Variants in ARL6 observed in about 807,000 individuals in gnomAD.
ARL6 encodes ARF like GTPase 6, also known as ADP-ribosylation factor-like protein 6.
In ARL6, 18 loss-of-function variants were observed where a neutral mutation model predicts 27.1. The observed-to-expected ratio is 0.66, with a 90% CI of 0.46 to 0.98. The LOEUF is 0.98. ARL6 is among the 50% of genes least tolerant of loss of function. The pLI, the probability that ARL6 is intolerant of heterozygous loss-of-function variation, is 0.00. For missense variants in ARL6, 187 were observed against 214.9 expected, an observed-to-expected ratio of 0.87 and a Z score of 0.81; for synonymous variants, 65 against 72.3, an observed-to-expected ratio of 0.90 and a Z score of 0.51.
intron 7 of ARL6, among the ~76,000 whole-genome samples, chr3:97,796,618 C>G (rs1014054592): frequency 6.6e-6 from 1 of 151,864 alleles, no homozygotes. Flanking sequence ...CTCAAGAGCT[C>G]AATACAGTGG....
At chr3:97,766,223 G>T (rs1362411430) in intron 1 of ARL6, 1 of 152,182 alleles carries the variant, frequency 6.6e-6, no homozygotes, top group Non-Finnish European at 1.5e-5. Flanking sequence ...TGGAGAACAA[G>T]ATATAAGCAT....
At chr3:97,780,119 G>C in intron 2 of ARL6, 40 bp from the exon 3 acceptor site, 1 of 1,523,306 alleles carries the variant, frequency 6.6e-7, no homozygotes, top group African/African-American at 1.4e-5. Context: ...ACTCATCTCT[G>C]GTAATTGTAA....
chr3:97,785,236 G>A (rs2037395076), intron 5 of ARL6, among the ~76,000 whole-genome samples, 187 bp downstream of exon 5: 1 of 150,202 alleles, frequency 6.7e-6, no homozygotes, highest in African/African-American at 2.4e-5. Context: ...TGCATGCAAT[G>A]TAAATGTAAA....
At position 97,793,480 on chromosome 3, in the gene ARL6, C is replaced by T. The variant is rs567524215; in HGVS notation, c.535+1654C>T. 6 of 152,206 alleles carry T rather than the reference C, an allele frequency of 3.9e-5. No homozygotes were observed. In the East Asian group the frequency reaches 1.2e-3, roughly 29 times the overall value. The allele number at this position is 152,206 out of a possible 1,614,324, so 9.4% of individuals were successfully genotyped here. A position where few individuals can be genotyped will look rare whatever the true frequency, so the allele number is the denominator to read the frequency against. ...ATGAAGATATAGCATGGATGGAAACCCTATTGTCACTCATGATAACCTAAT... is the reference window on the plus strand; with the variant it reads ...ATGAAGATATAGCATGGATGGAAACTCTATTGTCACTCATGATAACCTAAT... On this transcript the variant is annotated intron_variant, in intron 7 of 7. Coordinates refer to ENST00000463745, the MANE Select transcript of ARL6 (RefSeq NM_001278293.3).
intron 2 of ARL6, among the ~76,000 whole-genome samples, chr3:97,778,402 T>C (rs2037012696): frequency 1.3e-5 from 2 of 152,204 alleles, no homozygotes; most frequent in Admixed American, 1.3e-4. Context: ...TTTCTACTAG[T>C]GCATTACCAT....
At chr3:97,797,957 A>ATC (rs2038082010) in intron 7 of ARL6, 67 bp from the exon 8 acceptor site, 3 of 1,422,978 alleles carry the variant, frequency 2.1e-6, no homozygotes, top group Non-Finnish European at 3.0e-6. Flanking sequence ...GATTTGACTT[A>ATC]GATTACTTTA....
At chr3:97,789,112 A>C (rs1024581478) in intron 6 of ARL6, among the ~76,000 whole-genome samples, 1 of 152,194 alleles carries the variant, frequency 6.6e-6, no homozygotes, top group Non-Finnish European at 1.5e-5. Context: ...TAAAGACCTT[A>C]GGAAAGCTCT....
At chr3:97,771,049 T>G (rs888959639) in intron 2 of ARL6, among the ~76,000 whole-genome samples, 26 of 152,070 alleles carry the variant, frequency 1.7e-4, no homozygotes, top group African/African-American at 5.3e-4. Flanking sequence ...TTTATATTTC[T>G]GTGAATGTTA....
intron 2 of ARL6, among the ~76,000 whole-genome samples, chr3:97,776,823 C>CT (rs1306159700): frequency 3.3e-5 from 5 of 151,848 alleles, no homozygotes; most frequent in African/African-American, 4.8e-5. Flanking sequence ...CACCCCACTA[C>CT]TTTTTTTGTA....
chr3:97,767,312 G>A (rs2036430972), intron 1 of ARL6, among the ~76,000 whole-genome samples: 1 of 151,986 alleles, frequency 6.6e-6, no homozygotes, highest in South Asian at 2.1e-4. Flanking sequence ...TAGCACTTAG[G>A]AGGATGTTTC....
intron 6 of ARL6, among the ~76,000 whole-genome samples, chr3:97,790,051 TTGTGTGTGTGTGTGTG>T (rs3058067): frequency 2.2e-5 from 3 of 137,072 alleles, no homozygotes; most frequent in African/African-American, 5.5e-5. Flanking sequence ...GGCATCATGA[TTGTGTGTGTGTGTGTG>T]TGTGTGTGTG....
At chr3:97,795,001 C>T (rs749567489) in intron 7 of ARL6, among the ~76,000 whole-genome samples, 83 of 152,162 alleles carry the variant, frequency 5.5e-4, no homozygotes, top group Non-Finnish European at 9.4e-4. Flanking sequence ...GACAGGAACT[C>T]TGGGGGTGGA....
At chr3:97,776,340 G>GT (rs1261635326) in intron 2 of ARL6, among the ~76,000 whole-genome samples, 4 of 151,936 alleles carry the variant, frequency 2.6e-5, no homozygotes, top group African/African-American at 7.2e-5. Context: ...GATGAAATGA[G>GT]TTTTTTGTGG....
At chr3:97,772,315 T>C (rs1224115022) in intron 2 of ARL6, among the ~76,000 whole-genome samples, 1 of 152,164 alleles carries the variant, frequency 6.6e-6, no homozygotes, top group East Asian at 1.9e-4. Flanking sequence ...GCATGTAGTT[T>C]TTCATAATAA....
intron 5 of ARL6, 120 bp from the exon 6 acceptor site, chr3:97,787,870 G>C (rs1441768342): frequency 3.1e-6 from 3 of 963,434 alleles, no homozygotes; most frequent in East Asian, 2.6e-5. Context: ...AAATGTTTCT[G>C]TGTGTGTGAT....
chr3:97,798,022 A>C lies in ARL6; in HGVS notation c.536-2A>C. 1 of 1,612,968 alleles carries C rather than the reference A, an allele frequency of 6.2e-7. No individual in the cohort carries two copies. ...TAATTTTTGTTTGTTTTTTGTTATC[A>C]GATCAGATCCAGACTGTGAAGACAT... On this transcript the variant is annotated splice_acceptor_variant, in intron 7 of 7. Transcript: ENST00000463745. LOFTEE classifies it high-confidence loss of function.
chr3:97,772,722 A>G (rs1483064055), intron 2 of ARL6, among the ~76,000 whole-genome samples: 2 of 151,004 alleles, frequency 1.3e-5, no homozygotes, highest in Non-Finnish European at 3.0e-5. Context: ...CCCGGGTTCA[A>G]GCGATTCTCC....
At chr3:97,791,745 T>A in intron 6 of ARL6, 26 bp from the exon 7 acceptor site, 1 of 1,609,500 alleles carries the variant, frequency 6.2e-7, no homozygotes, top group Non-Finnish European at 8.5e-7. Flanking sequence ...ATGAGATGGC[T>A]ATGTTTCTTA....
chr3:97,798,146 A>G lies in ARL6; in HGVS notation c.*97A>G. On this transcript the variant is annotated 3_prime_UTR_variant, in exon 8 of 8. Coordinates refer to ENST00000463745, the MANE Select transcript of ARL6 (RefSeq NM_001278293.3). ...GTAAAAGATGTTTATGCATCAAAAA[A>G]TATAATTTTCTGCTTGCATTTATGG... 5 of 1,289,632 alleles carry G rather than the reference A, an allele frequency of 3.9e-6. No homozygotes were observed. Among genetic ancestry groups the G allele is most frequent in the Non-Finnish European group, 5.6e-6 (5 of 893,338 alleles). The allele number at this position is 1,289,632 out of a possible 1,614,324, so 79.9% of individuals were successfully genotyped here. A position where few individuals can be genotyped will look rare whatever the true frequency, so the allele number is the denominator to read the frequency against.
Sources: allele counts gnomAD v4.1 joint callset (sites outside exome capture counted in the v4.1 genomes callset), GRCh38; gene constraint gnomAD v4.1.1; transcripts MANE v1.5; gene names NCBI Gene and HGNC (gene_info 2026-07-23, HGNC 2026-07-21).